The following EIF4ENIF1 variants were observed in gnomAD, a reference collection of about 807,000 sequenced individuals.
The protein encoded by EIF4ENIF1 is eukaryotic translation initiation factor 4E nuclear import factor 1, also known as eukaryotic translation initiation factor 4E transporter.
In EIF4ENIF1, 23 loss-of-function variants were observed where a neutral mutation model predicts 110.5. That is an observed-to-expected ratio of 0.21 (90% CI 0.15 to 0.29). EIF4ENIF1 has a LOEUF of 0.29. Among genes scored for constraint, EIF4ENIF1 ranks in the 10% least tolerant of loss-of-function variants. The pLI is 1.00. For synonymous variants in EIF4ENIF1, 440 were observed against 437.0 expected (o/e 1.01, Z -0.09); for missense variants, 1,031 against 1,221.1 (o/e 0.84, Z 2.32).
intron 2 of EIF4ENIF1, among the ~76,000 whole-genome samples, chr22:31,478,288 G>A (rs139743736): frequency 0.011 from 1,730 of 152,172 alleles, 11 homozygotes; most frequent in Middle Eastern, 0.031. Flanking sequence ...GCCGAGACCA[G>A]CTATCACTTG....
At chr22:31,489,073 C>T (rs2052155681) in intron 1 of EIF4ENIF1, 1 of 208,406 alleles carries the variant, frequency 4.8e-6, no homozygotes, top group Admixed American at 5.4e-5. Flanking sequence ...GGGGAAGTTT[C>T]CCGGAGTGGG....
At chr22:31,462,570 A>G (rs1339256370) in intron 6 of EIF4ENIF1, among the ~76,000 whole-genome samples, 3 of 152,048 alleles carry the variant, frequency 2.0e-5, no homozygotes, top group Non-Finnish European at 4.4e-5. Context: ...CTAAGTGTAC[A>G]ATTAGCCAGT....
intron 2 of EIF4ENIF1, among the ~76,000 whole-genome samples, chr22:31,473,391 T>C (rs2051457936): frequency 6.6e-6 from 1 of 152,164 alleles, no homozygotes; most frequent in Non-Finnish European, 1.5e-5. Flanking sequence ...TTTTTTCTAA[T>C]CTACCTTCCC....
intron 3 of EIF4ENIF1, among the ~76,000 whole-genome samples, chr22:31,469,654 C>CGAG (rs1335942469): frequency 6.6e-6 from 1 of 152,176 alleles, no homozygotes; most frequent in African/African-American, 2.4e-5. Flanking sequence ...CACAATGTCT[C>CGAG]TGCTTCAGAA....
chr22:31,458,837 C>A (rs1259934133), intron 6 of EIF4ENIF1, among the ~76,000 whole-genome samples, 187 bp from the exon 7 acceptor site: 2 of 151,972 alleles, frequency 1.3e-5, no homozygotes, highest in East Asian at 3.9e-4. Context: ...AGGAAAAAAG[C>A]CTTAATAAAG....
chr22:31,442,197 A>G, intron 16 of EIF4ENIF1, 79 bp from the exon 17 acceptor site: 1 of 1,101,546 alleles, frequency 9.1e-7, no homozygotes, highest in East Asian at 2.4e-5. Flanking sequence ...AATAAATCTC[A>G]TTTCTTAAGG....
chr22:31,463,784 A>G lies in EIF4ENIF1; in HGVS notation c.482T>C (p.Ile161Thr), dbSNP rs1390425570. The part of the protein sequence containing the change: ...GGRRIGSGRI[I>T]SARTFEKDHR... Reference sequence around the variant, plus strand: ...ATCCTTCTCAAAGGTCCGGGCAGAGATTATCCTCCCACTGCCAATCCTACG... The same window carrying G: ...ATCCTTCTCAAAGGTCCGGGCAGAGGTTATCCTCCCACTGCCAATCCTACG... The change falls in exon 5 of 19, where the codon ATC (isoleucine) becomes ACC (threonine). Residue 161 changes from isoleucine to threonine, a missense_variant. Transcript: ENST00000330125. 1 of 1,613,788 alleles carries G rather than the reference A, an allele frequency of 6.2e-7. No individual in the cohort carries two copies. The highest frequency in any genetic ancestry group is 2.2e-5 in the East Asian group (1 of 44,866).
At chr22:31,483,158 A>G (rs2051886900) in intron 2 of EIF4ENIF1, among the ~76,000 whole-genome samples, 1 of 149,302 alleles carries the variant, frequency 6.7e-6, no homozygotes, top group Non-Finnish European at 1.5e-5. Context: ...CTGGTGAACA[A>G]GGGCTTCTGG....
intron 16 of EIF4ENIF1, 65 bp downstream of exon 16, chr22:31,442,897 G>T: frequency 6.3e-7 from 1 of 1,591,386 alleles, no homozygotes; most frequent in Non-Finnish European, 8.6e-7. Context: ...GCTGGTCAGC[G>T]CTCAGGCCCA....
At chr22:31,440,932 A>C (rs2050274041) in intron 17 of EIF4ENIF1, 64 bp from the exon 18 acceptor site, 1 of 1,588,166 alleles carries the variant, frequency 6.3e-7, no homozygotes, top group East Asian at 2.3e-5. Context: ...TTCCAGCTTC[A>C]CTGTACAGTT....
intron 3 of EIF4ENIF1, among the ~76,000 whole-genome samples, chr22:31,468,718 C>CT (rs1486661032): frequency 6.6e-6 from 1 of 152,128 alleles, no homozygotes; most frequent in African/African-American, 2.4e-5. Flanking sequence ...TAAAATAAAG[C>CT]TTCATGACTG....
At chr22:31,450,791 C>T (rs1286442210) in intron 10 of EIF4ENIF1, 2 of 220,158 alleles carry the variant, frequency 9.1e-6, no homozygotes, top group Non-Finnish European at 1.8e-5. Flanking sequence ...CACACATATA[C>T]ACATATACAT....
chr22:31,457,562 G>A (rs2050868788), intron 7 of EIF4ENIF1, among the ~76,000 whole-genome samples: 1 of 152,188 alleles, frequency 6.6e-6, no homozygotes, highest in Non-Finnish European at 1.5e-5. Flanking sequence ...GACAGAATTA[G>A]TGACTGTTTT....
At chr22:31,456,165 T>C (rs1158388238) in intron 7 of EIF4ENIF1, among the ~76,000 whole-genome samples, 178 bp from the exon 8 acceptor site, 1 of 152,106 alleles carries the variant, frequency 6.6e-6, no homozygotes, top group East Asian at 1.9e-4. Flanking sequence ...GGGTAATTTC[T>C]GAATAACCCA....
intron 14 of EIF4ENIF1, chr22:31,447,135 G>A: frequency 7.5e-6 from 3 of 398,108 alleles, no homozygotes; most frequent in Non-Finnish European, 4.7e-6. Context: ...AATTAGGCGA[G>A]CAGCATCCCT....
chr22:31,444,787 C>A, intron 14 of EIF4ENIF1, 97 bp from the exon 15 acceptor site: 1 of 1,131,160 alleles, frequency 8.8e-7, no homozygotes, highest in Non-Finnish European at 1.3e-6. Context: ...GTTTTAACAT[C>A]CCCTTTCCCT....
intron 1 of EIF4ENIF1, 173 bp from the exon 2 acceptor site, chr22:31,488,918 C>T: frequency 2.8e-6 from 2 of 702,054 alleles, no homozygotes; most frequent in Non-Finnish European, 4.6e-6. Flanking sequence ...ATCATTGGTA[C>T]TCAGTTCTCT....
At chr22:31,490,811 A>G (rs893891389), upstream of EIF4ENIF1, among the ~76,000 whole-genome samples, 1 of 152,190 alleles carries the variant, frequency 6.6e-6, no homozygotes, top group African/African-American at 2.4e-5. Flanking sequence ...GAAGCGATAC[A>G]TAGGCGTGAA....
intron 5 of EIF4ENIF1, among the ~76,000 whole-genome samples, 164 bp downstream of exon 5, chr22:31,463,517 C>T (rs1288227317): frequency 6.6e-6 from 1 of 151,934 alleles, no homozygotes; most frequent in Non-Finnish European, 1.5e-5. Flanking sequence ...CCCGTCTCTA[C>T]TAAAAATATA....
Sources: allele counts gnomAD v4.1 joint callset (sites outside exome capture counted in the v4.1 genomes callset), GRCh38; gene constraint gnomAD v4.1.1; transcripts MANE v1.5; gene names NCBI Gene and HGNC (gene_info 2026-07-23, HGNC 2026-07-21).